NRXN3: variants seen among roughly 807,000 people sequenced by gnomAD.
The protein encoded by NRXN3 is neurexin 3, also known as neurexin III.
NRXN3 carries 32 observed loss-of-function variants against 137.6 expected under a neutral mutation model. The ratio of observed to expected loss-of-function variants is 0.23; its 90% CI spans 0.18 to 0.31. The LOEUF (loss-of-function observed/expected upper bound fraction) is 0.31. NRXN3 is among the 10% of genes least tolerant of loss of function. The probability of loss-of-function intolerance (pLI) is 1.00; values close to 1 mark genes in which losing one functional copy is unlikely to be tolerated. For missense variants in NRXN3, 1,574 were observed against 2,062.5 expected (o/e 0.76, Z 4.59); for synonymous variants, 798 against 784.5 (o/e 1.02, Z -0.29).
intron 4 of NRXN3, among the ~76,000 whole-genome samples, chr14:78,338,470 C>A (rs1437062712): frequency 6.6e-6 from 1 of 152,136 alleles, no homozygotes; most frequent in African/African-American, 2.4e-5. Flanking sequence ...TCTTCCTTAT[C>A]AATGAGCCCT....
At chr14:79,373,292 T>C (rs1021344916) in intron 15 of NRXN3, among the ~76,000 whole-genome samples, 12 of 152,080 alleles carry the variant, frequency 7.9e-5, no homozygotes, top group African/African-American at 2.9e-4. Context: ...TGGAAAACAC[T>C]CTATCAATTC....
At chr14:79,671,924 C>T (rs763478) in intron 17 of NRXN3, among the ~76,000 whole-genome samples, 15,572 of 151,908 alleles carry the variant, frequency 0.1, 844 homozygotes, top group East Asian at 0.16. Context: ...CACATGGACA[C>T]AGGGCACATA....
At chr14:78,940,862 A>T (rs1185312050) in intron 10 of NRXN3, among the ~76,000 whole-genome samples, 1 of 152,176 alleles carries the variant, frequency 6.6e-6, no homozygotes, top group Non-Finnish European at 1.5e-5. Flanking sequence ...CAAGCTGTGA[A>T]TTAGAACTTG....
At chr14:78,466,203 A>G (rs1026207191) in intron 4 of NRXN3, among the ~76,000 whole-genome samples, 4 of 152,168 alleles carry the variant, frequency 2.6e-5, no homozygotes, top group African/African-American at 9.7e-5. Flanking sequence ...AACAACAACA[A>G]CAAACCTATT....
chr14:79,741,663 T>G (rs1444790809), intron 19 of NRXN3, among the ~76,000 whole-genome samples: 1 of 151,878 alleles, frequency 6.6e-6, no homozygotes, highest in Non-Finnish European at 1.5e-5. Context: ...TTTTTGTATT[T>G]TTAGTAGAGA....
chr14:79,427,431 AACAC>A (rs1361486457), intron 15 of NRXN3, among the ~76,000 whole-genome samples: 1 of 151,478 alleles, frequency 6.6e-6, no homozygotes, highest in Non-Finnish European at 1.5e-5. Context: ...CTCCTTAGCA[AACAC>A]ACACACAAAC....
intron 19 of NRXN3, among the ~76,000 whole-genome samples, chr14:79,725,764 G>A (rs757541005): frequency 1.1e-4 from 16 of 152,080 alleles, no homozygotes; most frequent in African/African-American, 2.4e-5. Context: ...AACAACACTA[G>A]CTTTATATTA....
At chr14:78,559,259 T>C (rs2096765985) in intron 4 of NRXN3, among the ~76,000 whole-genome samples, 3 of 152,354 alleles carry the variant, frequency 2.0e-5, no homozygotes, top group Non-Finnish European at 4.4e-5. Context: ...ATTTAAAATT[T>C]ATTTTACTGG....
intron 8 of NRXN3, among the ~76,000 whole-genome samples, chr14:78,727,002 C>T (rs1474022083): frequency 1.3e-5 from 2 of 149,324 alleles, no homozygotes; most frequent in Non-Finnish European, 3.0e-5. Flanking sequence ...CTTATCATGC[C>T]ATGGATCCTA....
intron 20 of NRXN3, among the ~76,000 whole-genome samples, chr14:79,840,559 A>C (rs1438686102): frequency 6.6e-6 from 1 of 152,082 alleles, no homozygotes; most frequent in African/African-American, 2.4e-5. Context: ...ATTTTAAAAA[A>C]CTGGTGAAGG....
At chr14:78,710,129 G>A (rs545682900) in intron 7 of NRXN3, among the ~76,000 whole-genome samples, 1 of 152,314 alleles carries the variant, frequency 6.6e-6, no homozygotes, top group Admixed American at 6.5e-5. Context: ...CAAGAGTCAT[G>A]TTGCATGGAG....
At chr14:78,519,971 A>G (rs946914872) in intron 4 of NRXN3, among the ~76,000 whole-genome samples, 2 of 152,218 alleles carry the variant, frequency 1.3e-5, no homozygotes, top group Admixed American at 6.5e-5. Flanking sequence ...TAAGTCAACC[A>G]AAGAAGACCC....
At chr14:79,473,508 TG>T (rs2153627058) in intron 16 of NRXN3, among the ~76,000 whole-genome samples, 1 of 152,294 alleles carries the variant, frequency 6.6e-6, no homozygotes, top group South Asian at 2.1e-4. Context: ...TAAGGTTAGG[TG>T]GCTGTTAGCT....
At chr14:79,346,337 C>G (rs1481617747) in intron 15 of NRXN3, among the ~76,000 whole-genome samples, 1 of 152,168 alleles carries the variant, frequency 6.6e-6, no homozygotes, top group African/African-American at 2.4e-5. Flanking sequence ...AGGAGAATCA[C>G]CTGAACGCGG....
chr14:78,692,399 A>G (rs1339816852), intron 6 of NRXN3, among the ~76,000 whole-genome samples: 1 of 152,240 alleles, frequency 6.6e-6, no homozygotes, highest in African/African-American at 2.4e-5. Context: ...ATTACAAGAA[A>G]AATTGGTAAA....
chr14:79,228,057 G>T (rs1294708522), intron 15 of NRXN3, among the ~76,000 whole-genome samples: 1 of 152,136 alleles, frequency 6.6e-6, no homozygotes, highest in African/African-American at 2.4e-5. Flanking sequence ...GTTATAGAAA[G>T]ACCTATGCAT....
intron 15 of NRXN3, among the ~76,000 whole-genome samples, chr14:79,192,822 G>C (rs2064585787): frequency 7.2e-6 from 1 of 138,900 alleles, no homozygotes; most frequent in Non-Finnish European, 1.5e-5. Context: ...CCAAGCTGGA[G>C]TGCAGTGGCA....
At chr14:79,566,593 A>G (rs1384606050) in intron 16 of NRXN3, among the ~76,000 whole-genome samples, 1 of 152,126 alleles carries the variant, frequency 6.6e-6, no homozygotes, top group African/African-American at 2.4e-5. Flanking sequence ...ATACAACCAT[A>G]AATGCCCAGA....
chr14:79,847,190 A>G (rs1246576236), intron 20 of NRXN3, among the ~76,000 whole-genome samples: 1 of 152,124 alleles, frequency 6.6e-6, no homozygotes, highest in Non-Finnish European at 1.5e-5. Context: ...AACAAGAATC[A>G]CCTCAACCCA....
Sources: allele counts gnomAD v4.1 joint callset (sites outside exome capture counted in the v4.1 genomes callset), GRCh38; gene constraint gnomAD v4.1.1; transcripts MANE v1.5; gene names NCBI Gene and HGNC (gene_info 2026-07-23, HGNC 2026-07-21).